The following CARM1 variants were observed in gnomAD, a reference collection of about 807,000 sequenced individuals.
CARM1 encodes coactivator associated arginine methyltransferase 1, also known as histone-arginine methyltransferase CARM1.
A neutral mutation model predicts 72.7 loss-of-function variants in CARM1; 14 were observed. The ratio of observed to expected loss-of-function variants is 0.19; its 90% confidence interval spans 0.13 to 0.30. CARM1 has a LOEUF of 0.30. Among genes scored for constraint, CARM1 ranks in the 10% least tolerant of loss-of-function variants. The probability of loss-of-function intolerance (pLI) is 1.00; values close to 1 mark genes in which losing one functional copy is unlikely to be tolerated. For synonymous variants in CARM1, 333 were observed against 345.5 expected (o/e 0.96, Z 0.40); for missense variants, 432 against 833.7 (o/e 0.52, Z 5.93).
intron 1 of CARM1, among the ~76,000 whole-genome samples, chr19:10,901,669 C>T (rs1456247254): frequency 6.6e-6 from 1 of 152,150 alleles, no homozygotes; most frequent in Non-Finnish European, 1.5e-5. Context: ...TGGCCCAGCC[C>T]AGTGGCTCAT....
intron 1 of CARM1, among the ~76,000 whole-genome samples, chr19:10,875,660 G>A (rs184595880): frequency 7.9e-5 from 12 of 152,072 alleles, no homozygotes; most frequent in Non-Finnish European, 1.3e-4. Flanking sequence ...TCCTGACCTC[G>A]TGATCTGCCC....
intron 1 of CARM1, among the ~76,000 whole-genome samples, chr19:10,878,804 C>A (rs1006271502): frequency 1.3e-5 from 2 of 150,388 alleles, no homozygotes; most frequent in Non-Finnish European, 1.5e-5. Context: ...GTCCTCCCCC[C>A]GGCTTTTTTT....
intron 1 of CARM1, among the ~76,000 whole-genome samples, chr19:10,894,454 C>G (rs79137963): frequency 0.018 from 2,701 of 152,124 alleles, 96 homozygotes; most frequent in African/African-American, 0.063. Flanking sequence ...CTCCTTTGAT[C>G]GGGAATATTT....
intron 1 of CARM1, among the ~76,000 whole-genome samples, chr19:10,889,530 A>G (rs1351683523): frequency 6.7e-6 from 1 of 148,686 alleles, no homozygotes; most frequent in African/African-American, 2.5e-5. Context: ...GGTTTCTCCA[A>G]GTTGGCCAGG....
At position 10,912,120 on chromosome 19, in the gene CARM1, C is replaced by A; in HGVS notation, c.559-64C>A. Reference sequence around the variant, plus strand: ...TCATGATGTGCACATCCCTTATGATCACTGTCACCTCCCCATCACCGTCGC... The same window carrying A: ...TCATGATGTGCACATCCCTTATGATAACTGTCACCTCCCCATCACCGTCGC... On this transcript the variant is annotated intron_variant, in intron 4 of 15. Coordinates refer to ENST00000327064, the MANE Select transcript of CARM1 (RefSeq NM_199141.2). This position sits in a 1 kb window ranked among gnomAD's most constrained non-coding sequence, Gnocchi z 4.5. 1 of 1,138,870 alleles carries A rather than the reference C, an allele frequency of 8.8e-7. No individual in the cohort carries two copies. Among genetic ancestry groups the A allele is most frequent in the Non-Finnish European group, 1.3e-6 (1 of 745,914 alleles). 70.5% of individuals were successfully genotyped at this position (1,138,870 alleles called of 1,614,324 possible).
Position 10,920,311 on chromosome 19 carries a change from G to A in CARM1, c.1197-125G>A. 8.6e-7 allele frequency: 1 copy of A among 1,167,148 alleles called. No individual in the cohort carries two copies. Among genetic ancestry groups the A allele is most frequent in the South Asian group, 1.6e-5 (1 of 64,316 alleles). The allele number at this position is 1,167,148 out of a possible 1,614,324, so 72.3% of individuals were successfully genotyped here. A position where few individuals can be genotyped will look rare whatever the true frequency, so the allele number is the denominator to read the frequency against. ...ACTGCCTGGGGGCCAGCCTGTCTCT[G>A]CTCCAGGGTCCCAGGGGTCCCTGGC... On this transcript the variant is annotated intron_variant, in intron 10 of 15. Coordinates refer to ENST00000327064, the MANE Select transcript of CARM1 (RefSeq NM_199141.2). The surrounding 1 kb of genome is among the most constrained non-coding windows in gnomAD (Gnocchi z 5.3).
At chr19:10,908,715 A>G (rs1362735114) in intron 3 of CARM1, 1 of 205,880 alleles carries the variant, frequency 4.9e-6, no homozygotes, top group African/African-American at 2.4e-5. Context: ...GAGAGACACC[A>G]CACCTCACCT....
chr19:10,913,125 G>A (rs577788826), intron 5 of CARM1, among the ~76,000 whole-genome samples: 5 of 146,944 alleles, frequency 3.4e-5, no homozygotes, highest in Non-Finnish European at 6.1e-5. Flanking sequence ...TTTTTTTTTG[G>A]GGGGGGTCTC....
chr19:10,908,242 A>G, intron 3 of CARM1, 97 bp downstream of exon 3: 1 of 783,898 alleles, frequency 1.3e-6, no homozygotes, highest in East Asian at 2.5e-5. Context: ...GGCCCACCCA[A>G]GTTCCCGTCC....
chr19:10,880,940 G>C (rs956634975), intron 1 of CARM1, among the ~76,000 whole-genome samples: 1 of 147,962 alleles, frequency 6.8e-6, no homozygotes, highest in African/African-American at 2.7e-5. Context: ...AGGCAGCAGG[G>C]CGGTTTGAGT....
intron 1 of CARM1, among the ~76,000 whole-genome samples, chr19:10,872,327 C>T (rs1208181998): frequency 6.6e-6 from 1 of 150,856 alleles, no homozygotes; most frequent in East Asian, 2.0e-4. Flanking sequence ...GTGGCCGCCT[C>T]TGCAGGGAGG....
intron 1 of CARM1, among the ~76,000 whole-genome samples, chr19:10,894,570 G>A (rs530257269): frequency 1.7e-4 from 26 of 152,122 alleles, no homozygotes; most frequent in African/African-American, 5.8e-4. Flanking sequence ...CTACTCCCCC[G>A]CCCCAGGTTT....
intron 1 of CARM1, among the ~76,000 whole-genome samples, chr19:10,899,684 C>G (rs2074049856): frequency 6.6e-6 from 1 of 151,872 alleles, no homozygotes; most frequent in South Asian, 2.1e-4. Flanking sequence ...GCCCTCATAC[C>G]TGGACTCGTC....
Position 10,921,357 on chromosome 19 carries a change from C to T in CARM1, c.1616-18C>T, listed in dbSNP as rs749779853. ...TGACGCCGTCTCCCTTCCTTCTTTC[C>T]TCCCTCTCGCTGCGCAGCCAACACG... On this transcript the variant is annotated intron_variant, in intron 14 of 15. Coordinates refer to ENST00000327064, the MANE Select transcript of CARM1 (RefSeq NM_199141.2). 9 of 1,609,936 alleles carry T rather than the reference C, an allele frequency of 5.6e-6. No individual in the cohort carries two copies. In the African/African-American group the frequency reaches 1.1e-4, roughly 19 times the overall value.
At chr19:10,893,643 G>A (rs1473733206) in intron 1 of CARM1, among the ~76,000 whole-genome samples, 3 of 152,220 alleles carry the variant, frequency 2.0e-5, no homozygotes, top group Non-Finnish European at 4.4e-5. Context: ...CTGTCATTGT[G>A]CCCATTTTAT....
intron 1 of CARM1, among the ~76,000 whole-genome samples, chr19:10,878,807 CT>C (rs959582502): frequency 4.4e-3 from 618 of 140,030 alleles, no homozygotes; most frequent in Admixed American, 5.2e-3. Context: ...CTCCCCCCGG[CT>C]TTTTTTTTTT....
At chr19:10,886,501 C>T (rs1214671621) in intron 1 of CARM1, among the ~76,000 whole-genome samples, 1 of 151,844 alleles carries the variant, frequency 6.6e-6, no homozygotes, top group Non-Finnish European at 1.5e-5. Context: ...CCGCCCCCTC[C>T]CTCATTTTTA....
At chr19:10,887,143 A>G (rs2073948137) in intron 1 of CARM1, among the ~76,000 whole-genome samples, 2 of 152,376 alleles carry the variant, frequency 1.3e-5, no homozygotes, top group East Asian at 1.9e-4. Context: ...TCACTTGGCC[A>G]TCAGCCCTGC....
intron 1 of CARM1, among the ~76,000 whole-genome samples, chr19:10,877,207 A>G (rs1489023023): frequency 6.6e-6 from 1 of 151,994 alleles, no homozygotes; most frequent in Non-Finnish European, 1.5e-5. Context: ...TGGAGTGACA[A>G]CAGGGAAAGT....
Sources: gnomAD v4.1 joint callset for allele counts (sites outside exome capture counted in the v4.1 genomes callset) on GRCh38, gnomAD v4.1.1 for gene constraint, Gnocchi (gnomAD v3.1) non-coding constraint, MANE v1.5 for transcripts, NCBI Gene and HGNC (gene_info 2026-07-23, HGNC 2026-07-21) for gene names.